The following FAT4 variants were observed in gnomAD, a reference collection of about 807,000 sequenced individuals.
FAT4 encodes protocadherin Fat 4.
A neutral mutation model predicts 303.9 loss-of-function variants in FAT4; 84 were observed. The observed-to-expected ratio is 0.28, with a 90% CI of 0.23 to 0.33. The LOEUF is 0.33. Ranked by LOEUF, FAT4 falls within the 10% of genes least tolerant of loss-of-function variation. The probability of loss-of-function intolerance (pLI) is 1.00; values close to 1 mark genes in which losing one functional copy is unlikely to be tolerated. For synonymous variants in FAT4, 2,307 were observed against 2,298.8 expected (o/e 1.00, Z -0.10); for missense variants, 6,005 against 6,146.8 (o/e 0.98, Z 0.77).
intron 11 of FAT4, among the ~76,000 whole-genome samples, chr4:125,467,690 A>G (rs989357974): frequency 2.6e-5 from 4 of 152,172 alleles, no homozygotes; most frequent in African/African-American, 9.6e-5. Flanking sequence ...TCCTAAACCA[A>G]TGATTCCACT....
chr4:125,380,936 T>A (rs1328099635), intron 2 of FAT4, among the ~76,000 whole-genome samples: 3 of 152,230 alleles, frequency 2.0e-5, no homozygotes, highest in African/African-American at 2.4e-5. Context: ...TTTGCTTTTT[T>A]AATAAACTTG....
At chr4:125,480,428 T>C (rs1181949670) in intron 15 of FAT4, among the ~76,000 whole-genome samples, 1 of 152,172 alleles carries the variant, frequency 6.6e-6, no homozygotes, top group Non-Finnish European at 1.5e-5. Context: ...ACATTAATGA[T>C]GTTCATATCA....
chr4:125,424,474 G>C (rs1319799791), intron 7 of FAT4, among the ~76,000 whole-genome samples: 1 of 152,138 alleles, frequency 6.6e-6, no homozygotes, highest in Non-Finnish European at 1.5e-5. Flanking sequence ...GGTTAATTGT[G>C]AGTCAATTAA....
chr4:125,407,304 T>C (rs892140132), intron 4 of FAT4, among the ~76,000 whole-genome samples, 163 bp downstream of exon 4: 7 of 152,144 alleles, frequency 4.6e-5, no homozygotes, highest in Non-Finnish European at 7.4e-5. Context: ...TAACGATCTT[T>C]GGTAAAATTC....
chr4:125,351,216 T>G (rs767453834), intron 2 of FAT4, among the ~76,000 whole-genome samples: 1 of 151,818 alleles, frequency 6.6e-6, no homozygotes. Context: ...AGGATTAAAA[T>G]ATATATGAAG....
chr4:125,419,359 C>A lies in FAT4; in HGVS notation c.7018+2737C>A, dbSNP rs1735194533. Among the ~76,000 whole-genome samples the A allele has an allele frequency of 3.9e-5, 6 of 152,116 alleles. No homozygotes were observed. The South Asian group carries it at 1.2e-3, about 32-fold the overall frequency. On this transcript the variant is annotated intron_variant, in intron 7 of 17. Coordinates refer to ENST00000394329, the MANE Select transcript of FAT4 (RefSeq NM_001291303.3). ...TATTCTTCATTCCTCTTCCTCTGTA[C>A]ACCATATCCAACAAATTCATTAACA...
chr4:125,340,633 T>C (rs1210485616), intron 2 of FAT4, among the ~76,000 whole-genome samples: 1 of 152,188 alleles, frequency 6.6e-6, no homozygotes, highest in African/African-American at 2.4e-5. Flanking sequence ...GGTTAGGTCA[T>C]ATATAAGAAT....
intron 2 of FAT4, among the ~76,000 whole-genome samples, chr4:125,336,965 T>C (rs1270246278): frequency 6.6e-6 from 1 of 152,006 alleles, no homozygotes; most frequent in Non-Finnish European, 1.5e-5. Context: ...AGAAGGTAAG[T>C]AATGGTATTT....
At chr4:125,369,416 A>C (rs867357745) in intron 2 of FAT4, among the ~76,000 whole-genome samples, 11 of 152,160 alleles carry the variant, frequency 7.2e-5, no homozygotes, top group African/African-American at 2.4e-4. Context: ...TGCCTGGGTG[A>C]TACAGTGAGA....
chr4:125,383,364 A>T (rs183600159), intron 2 of FAT4, among the ~76,000 whole-genome samples: 166 of 152,230 alleles, frequency 1.1e-3, no homozygotes, highest in Admixed American at 2.6e-3. Flanking sequence ...AGGAATAGGG[A>T]GGCCCTAGGA....
chr4:125,387,283 C>T (rs1329402558), intron 2 of FAT4, among the ~76,000 whole-genome samples: 1 of 152,172 alleles, frequency 6.6e-6, no homozygotes, highest in Non-Finnish European at 1.5e-5. Context: ...AAGGTGAAGA[C>T]TACTATGCAA....
rs749551672 is a variant in FAT4 at position 125,319,977 on chromosome 4, C to G, written c.3566C>G (p.Pro1189Arg). The G allele has an allele frequency of 1.2e-6, 2 of 1,613,092 alleles. No homozygotes were observed. The highest frequency in any genetic ancestry group is 2.2e-5 in the South Asian group (2 of 91,082). ...GCAACAGATCAGGGGATCCCTCAGC[C>G]TCTCAAGGATCAGGCCACTGTACAT... ...VIATDQGIPQ[P>R]LKDQATVHVY... Residue 1189 changes from proline to arginine, a missense_variant, in exon 2 of 18, where the codon CCT becomes CGT. Coordinates refer to ENST00000394329, the MANE Select transcript of FAT4 (RefSeq NM_001291303.3).
Position 125,415,812 on chromosome 4 carries a change from T to G in FAT4, c.6843+6T>G. The G allele has an allele frequency of 1.3e-6, 2 of 1,576,958 alleles. No homozygotes were observed. The highest frequency in any genetic ancestry group is 1.7e-6 in the Non-Finnish European group (2 of 1,158,792). ...TACCCAGAACAATTCTTCAGGTCAGTATATTTAAATAAAGCAAGTATTGTC... is the reference window on the plus strand; with the variant it reads ...TACCCAGAACAATTCTTCAGGTCAGGATATTTAAATAAAGCAAGTATTGTC... On this transcript the variant is annotated splice_donor_region_variant and intron_variant, in intron 6 of 17. Coordinates refer to ENST00000394329, the MANE Select transcript of FAT4 (RefSeq NM_001291303.3).
At chr4:125,371,855 A>C (rs1733126270) in intron 2 of FAT4, among the ~76,000 whole-genome samples, 1 of 152,038 alleles carries the variant, frequency 6.6e-6, no homozygotes, top group Non-Finnish European at 1.5e-5. Context: ...TCATTTAGGG[A>C]ATGTCTTCCT....
Position 125,449,748 on chromosome 4 carries a change from T to C in FAT4, c.8738T>C (p.Ile2913Thr). The C allele has an allele frequency of 6.2e-7, 1 of 1,613,774 alleles. No individual in the cohort carries two copies. ...EGSNGQVFYF[I>T]KSQSEYFRIN... is the part of the protein sequence containing the mutation. ...TCAAATGGACAAGTGTTTTATTTCA[T>C]AAAATCCCAATCAGAATATTTCAGG... Residue 2913 changes from isoleucine (I) to threonine (T), a missense_variant, in exon 10 of 18, where the codon ATA becomes ACA. Physicochemically the swap from Ile to Thr is moderately conservative, Grantham distance 89. Coordinates refer to ENST00000394329, the MANE Select transcript of FAT4 (RefSeq NM_001291303.3).
intron 12 of FAT4, among the ~76,000 whole-genome samples, chr4:125,471,434 C>T (rs1382104479): frequency 6.6e-6 from 1 of 152,046 alleles, no homozygotes; most frequent in African/African-American, 2.4e-5. Flanking sequence ...ATGAGGCATG[C>T]ATGTATTTAT....
rs144597016 is a variant in FAT4, at chr4:125,390,256, T to C, written c.5176-8528T>C. On this transcript the variant is annotated intron_variant, in intron 2 of 17. Transcript: ENST00000394329. ...GATTCTCATGTTTAAGGTCAGGTCA[T>C]AGAGTGTTTCTTTACACATCACCCT... 2.1e-4 allele frequency among the ~76,000 whole-genome samples: 32 copies of C among 152,298 alleles called. No individual in the cohort carries two copies. The East Asian group carries it at 2.9e-3, about 14-fold the overall frequency.
chr4:125,474,163 A>C (rs997524190), intron 12 of FAT4, among the ~76,000 whole-genome samples: 2 of 152,070 alleles, frequency 1.3e-5, no homozygotes, highest in African/African-American at 4.8e-5. Flanking sequence ...TTGTATCAGC[A>C]AGCTTTTAGA....
At chr4:125,328,233 GA>G (rs1264597761) in intron 2 of FAT4, among the ~76,000 whole-genome samples, 2 of 152,134 alleles carry the variant, frequency 1.3e-5, no homozygotes, top group African/African-American at 2.4e-5. Context: ...GCAGACAGGT[GA>G]AAATATTCTA....
Sources: gnomAD v4.1 joint callset for allele counts (sites outside exome capture counted in the v4.1 genomes callset) on GRCh38, gnomAD v4.1.1 for gene constraint, MANE v1.5 for transcripts, NCBI Gene and HGNC (gene_info 2026-07-23, HGNC 2026-07-21) for gene names.